The following KCNJ18 variants were observed in gnomAD, a reference collection of about 807,000 sequenced individuals.
The protein encoded by KCNJ18 is potassium inwardly rectifying channel subfamily J member 18, also known as inward rectifier potassium channel 18.
A neutral mutation model predicts 17.3 loss-of-function variants in KCNJ18; 16 were observed. The observed-to-expected ratio is 0.92, with a 90% confidence interval of 0.62 to 1.40. The LOEUF is 1.40. KCNJ18 is among the 40% of genes most tolerant of loss of function. The pLI, the probability that KCNJ18 is intolerant of heterozygous loss-of-function variation, is 0.00. For synonymous variants in KCNJ18, 185 were observed against 262.6 expected (o/e 0.70, Z 2.86); for missense variants, 462 against 626.8 (o/e 0.74, Z 2.81).
At chr17:21,698,057 T>C (rs1375725164) in intron 2 of KCNJ18, among the ~76,000 whole-genome samples, 2 of 151,630 alleles carry the variant, frequency 1.3e-5, no homozygotes, top group Admixed American at 6.6e-5. Context: ...GTTGGAGTGC[T>C]GGTGAGGGCC....
chr17:21,702,911 G>A lies in KCNJ18; in HGVS notation c.125G>A (p.Cys42Tyr). Residue 42 changes from cysteine to tyrosine, a missense_variant, in exon 3 of 3, where the codon TGC (cysteine) becomes TAC (tyrosine). Cys to Tyr is a radical substitution (Grantham distance 194, BLOSUM62 -2). Transcript: ENST00000567955. ...GGCAAGGTGCACACGCGGCGCAGGT[G>A]CCGCAACCGCTTCGTCAAGAAGAAT... ...GNGKVHTRRR[C>Y]RNRFVKKNGQ... 2.5e-6 allele frequency: 4 copies of A among 1,594,236 alleles called. No homozygotes were observed. The highest frequency in any genetic ancestry group is 2.3e-5 in the South Asian group (2 of 88,706).
intron 2 of KCNJ18, among the ~76,000 whole-genome samples, chr17:21,702,442 G>A (rs2142272190): frequency 6.6e-6 from 1 of 152,246 alleles, no homozygotes; most frequent in East Asian, 1.9e-4. Context: ...GTTAGATTCA[G>A]GCCTTGAGGG....
In KCNJ18 at chr17:21,703,119, C is replaced by G. The variant is rs1475357885; in HGVS notation, c.333C>G (p.Asp111Glu). 3 of 1,612,012 alleles carry G rather than the reference C, an allele frequency of 1.9e-6. No individual in the cohort carries two copies. In the Admixed American group the frequency reaches 5.0e-5, roughly 27 times the overall value. Reference sequence around the variant, plus strand: ...GGGTCATCGCGGTGGCACACGGTGACCTGGAGCCGGCTGAGGGCCACGGCC... The same window carrying G: ...GGGTCATCGCGGTGGCACACGGTGAGCTGGAGCCGGCTGAGGGCCACGGCC... ...IFWVIAVAHG[D>E]LEPAEGHGRT... Residue 111 changes from aspartate to glutamate, a missense_variant, in exon 3 of 3, where the codon GAC becomes GAG. Transcript: ENST00000567955.
At position 21,699,532 on chromosome 17, in the gene KCNJ18, T is replaced by C. The variant is rs1156629119; in HGVS notation, c.-56-3199T>C. On this transcript the variant is annotated intron_variant, in intron 2 of 2. Transcript: ENST00000567955. ...GCACACACGGCAGAGCAGGGCTGTG[T>C]GAGGCTGAGGACTGACATTCTGGGC... Among the ~76,000 whole-genome samples the C allele has an allele frequency of 4.5e-3, 684 of 152,318 alleles. 1 individual carries two copies. The highest frequency in any genetic ancestry group is 0.016 in the African/African-American group (651 of 41,560).
chr17:21,692,965 G>C (rs1174817643), intron 1 of KCNJ18, among the ~76,000 whole-genome samples: 1 of 152,310 alleles, frequency 6.6e-6, no homozygotes, highest in African/African-American at 2.4e-5. Flanking sequence ...GCCTTGCCCT[G>C]TTCCGTGGGG....
intron 1 of KCNJ18, among the ~76,000 whole-genome samples, chr17:21,693,147 G>T (rs1463942637): frequency 2.0e-4 from 31 of 152,350 alleles, no homozygotes; most frequent in African/African-American, 7.0e-4. Flanking sequence ...ACTTGGCGGG[G>T]TGAGCTCACA....
At chr17:21,701,331 G>A (rs1181280344) in intron 2 of KCNJ18, among the ~76,000 whole-genome samples, 22 of 152,424 alleles carry the variant, frequency 1.4e-4, no homozygotes, top group African/African-American at 5.0e-4. Context: ...AGCTGAGGGT[G>A]GTGCTGGGAA....
intron 2 of KCNJ18, among the ~76,000 whole-genome samples, chr17:21,696,680 G>T (rs1311886469): frequency 2.0e-5 from 3 of 152,242 alleles, no homozygotes; most frequent in African/African-American, 2.4e-5. Context: ...CCCAGTGCTA[G>T]AGGATCCTAA....
Position 21,695,012 on chromosome 17 carries a change from C to A in KCNJ18, c.-178-971C>A, listed in dbSNP as rs1323133236. 1.1e-4 allele frequency among the ~76,000 whole-genome samples: 16 copies of A among 152,352 alleles called. No individual in the cohort carries two copies. The East Asian group carries it at 2.9e-3, about 28-fold the overall frequency. ...CCCATTCGTCTATCCATCCATCCAC[C>A]CACCCATTACCCATCCATCCACCCA... On this transcript the variant is annotated intron_variant, in intron 1 of 2. Coordinates refer to ENST00000567955, the MANE Select transcript of KCNJ18 (RefSeq NM_001194958.2).
intron 1 of KCNJ18, among the ~76,000 whole-genome samples, chr17:21,693,401 T>G (rs1905661960): frequency 2.0e-5 from 3 of 152,302 alleles, no homozygotes; most frequent in East Asian, 1.9e-4. Flanking sequence ...GGGACGAGGT[T>G]GGGAGAGCCT....
In KCNJ18 at chr17:21,702,772, C is replaced by T. The variant is rs1481617510; in HGVS notation, c.-15C>T. On this transcript the variant is annotated 5_prime_UTR_variant, in exon 3 of 3. Coordinates refer to ENST00000567955, the MANE Select transcript of KCNJ18 (RefSeq NM_001194958.2). ...AGCTAGCCTGGGGGTGAGCCAGGGT[C>T]CCCCAACCCCCGGGATGACCGCGGC... 2 of 1,571,314 alleles carry T rather than the reference C, an allele frequency of 1.3e-6. No homozygotes were observed. The highest frequency in any genetic ancestry group is 2.3e-5 in the East Asian group (1 of 42,602).
chr17:21,699,223 T>C (rs1404408782), intron 2 of KCNJ18, among the ~76,000 whole-genome samples: 6 of 152,188 alleles, frequency 3.9e-5, no homozygotes, highest in African/African-American at 1.2e-4. Flanking sequence ...ATGCACCCCA[T>C]TGAGCAAGAG....
rs1214199237 is a variant in KCNJ18, at chr17:21,702,715, G to A, written c.-56-16G>A. 2.7e-6 allele frequency: 4 copies of A among 1,501,006 alleles called. No individual in the cohort carries two copies. Among genetic ancestry groups the A allele is most frequent in the East Asian group, 4.9e-5 (2 of 40,626 alleles). 93.0% of individuals were successfully genotyped at this position (1,501,006 alleles called of 1,614,324 possible). A position where few individuals can be genotyped will look rare whatever the true frequency, so the allele number is the denominator to read the frequency against. On this transcript the variant is annotated splice_polypyrimidine_tract_variant and intron_variant, in intron 2 of 2. Transcript: ENST00000567955. Reference sequence around the variant, plus strand: ...AGCCACCAGCCCAGCCAGACATGCTGTCCTCTCTGTTCCAGGAGCCGCCCT... The same window carrying A: ...AGCCACCAGCCCAGCCAGACATGCTATCCTCTCTGTTCCAGGAGCCGCCCT...
intron 2 of KCNJ18, among the ~76,000 whole-genome samples, chr17:21,702,309 A>T (rs1185257001): frequency 1.3e-5 from 2 of 151,880 alleles, no homozygotes; most frequent in Admixed American, 6.6e-5. Context: ...GACATTGAGC[A>T]AGGGAGGGAT....
At chr17:21,694,275 A>G (rs1905690382) in intron 1 of KCNJ18, among the ~76,000 whole-genome samples, 1 of 152,042 alleles carries the variant, frequency 6.6e-6, no homozygotes, top group Non-Finnish European at 1.5e-5. Flanking sequence ...GAAGCATGTC[A>G]GGTGGCTCAC....
chr17:21,695,182 T>TTTATCCATCCATGTATCCAA (rs1905721913), intron 1 of KCNJ18, among the ~76,000 whole-genome samples: 1 of 143,446 alleles, frequency 7.0e-6, no homozygotes, highest in African/African-American at 2.6e-5. Context: ...TATCCAACCA[T>TTTATCCATCCATGTATCCAA]CCATCCATCC....
rs1177538619 is a variant in KCNJ18 at position 21,702,950 on chromosome 17, T to C, written c.164T>C (p.Ile55Thr). The change falls in exon 3 of 3, where the codon ATT becomes ACT. Residue 55 changes from isoleucine to threonine, a missense_variant. By Grantham distance (89) the Ile-to-Thr change is moderately conservative (BLOSUM62 -1). Coordinates refer to ENST00000567955, the MANE Select transcript of KCNJ18 (RefSeq NM_001194958.2). ...GTCAAGAAGAATGGCCAGTGCAACA[T>C]TGCGTTCGCCAACATGGACGAGAAG... is the stretch of plus-strand genomic sequence containing the variant. The part of the protein sequence containing the change: ...RFVKKNGQCN[I>T]AFANMDEKSQ... The C allele has an allele frequency of 1.9e-5, 30 of 1,584,018 alleles. No homozygotes were observed. The highest frequency in any genetic ancestry group is 2.4e-5 in the East Asian group (1 of 41,822).
intron 2 of KCNJ18, among the ~76,000 whole-genome samples, chr17:21,700,608 C>T (rs1490878809): frequency 1.8e-5 from 2 of 111,428 alleles, no homozygotes; most frequent in African/African-American, 6.3e-5. Flanking sequence ...GCTCAGAGGC[C>T]GCGCCTGCTC....
At position 21,703,971 on chromosome 17, in the gene KCNJ18, C is replaced by A. The variant is rs1906073599; in HGVS notation, c.1185C>A (p.Asp395Glu). Reference sequence around the variant, plus strand: ...ACGAGGAGGATGAGGCGGACGGAGACCAGGACGGCCGAAGCCGGGATGGCC... The same window carrying A: ...ACGAGGAGGATGAGGCGGACGGAGAACAGGACGGCCGAAGCCGGGATGGCC... ...SRDEEDEADG[D>E]QDGRSRDGLS... Residue 395 changes from aspartate (D) to glutamate (E), a missense_variant, in exon 3 of 3, where the codon GAC (aspartate) becomes GAA (glutamate). Asp to Glu is a conservative substitution (Grantham distance 45, BLOSUM62 2). Coordinates refer to ENST00000567955, the MANE Select transcript of KCNJ18 (RefSeq NM_001194958.2). 4 of 1,604,200 alleles carry A rather than the reference C, an allele frequency of 2.5e-6. No homozygotes were observed. Among genetic ancestry groups the A allele is most frequent in the Admixed American group, 3.3e-5 (2 of 59,908 alleles).
Sources: gnomAD v4.1 joint callset for allele counts (sites outside exome capture counted in the v4.1 genomes callset) on GRCh38, gnomAD v4.1.1 for gene constraint, MANE v1.5 for transcripts, NCBI Gene and HGNC (gene_info 2026-07-23, HGNC 2026-07-21) for gene names.